The following NDUFS3 variants were observed in gnomAD, a reference collection of about 807,000 sequenced individuals.
NDUFS3 encodes NADH:ubiquinone oxidoreductase core subunit S3.
Under a neutral mutation model 30.8 loss-of-function variants are expected in NDUFS3, and 19 were observed. The ratio of observed to expected loss-of-function variants is 0.62; its 90% CI spans 0.43 to 0.91. NDUFS3 has a LOEUF of 0.91. Among genes scored for constraint, NDUFS3 ranks in the 40% least tolerant of loss-of-function variants. The pLI is 0.00. For missense variants in NDUFS3, 331 were observed against 342.0 expected (o/e 0.97, Z 0.25); for synonymous variants, 153 against 135.8 (o/e 1.13, Z -0.88).
intron 4 of NDUFS3, chr11:47,581,299 G>A (rs544650934): frequency 5.7e-5 from 21 of 365,918 alleles, no homozygotes; most frequent in South Asian, 3.3e-4. Flanking sequence ...GACTACAGGT[G>A]CATGCCACCA....
At position 47,580,590 on chromosome 11, in the gene NDUFS3, GA is replaced by G. The variant is rs763590745; in HGVS notation, c.202del (p.Ile68SerfsTer17). On this transcript the variant is annotated frameshift_variant, in exon 3 of 7. Coordinates refer to ENST00000263774, the MANE Select transcript of NDUFS3 (RefSeq NM_004551.3). LOFTEE classifies it high-confidence loss of function. Reference protein sequence around the residue: ...QLSAFGEYVAEILPKYVQQVQ... With the variant: ...QLSAFGEYVAXILPKYVQQVQ... ...CTCAGCTTTTGGAGAGTATGTGGCTGAAATCTTGCCCAAGTATGTCCAACAA... is the reference window on the plus strand; with the variant it reads ...CTCAGCTTTTGGAGAGTATGTGGCTGAATCTTGCCCAAGTATGTCCAACAA... 1 of 1,614,070 alleles carries G rather than the reference GA, an allele frequency of 6.2e-7. No individual in the cohort carries two copies. The highest frequency in any genetic ancestry group is 1.3e-5 in the African/African-American group (1 of 74,920).
chr11:47,582,012 A>C (rs1338433801), intron 4 of NDUFS3, 76 bp from the exon 5 acceptor site: 2 of 1,578,092 alleles, frequency 1.3e-6, no homozygotes, highest in Non-Finnish European at 1.7e-6. Flanking sequence ...TCAGAATAGA[A>C]GGCAGGGTCA....
rs371724676 is a variant in NDUFS3 at position 47,579,282 on chromosome 11, C to T, written c.81C>T (p.Pro27=). 6.8e-6 allele frequency: 11 copies of T among 1,614,212 alleles called. No individual in the cohort carries two copies. Among genetic ancestry groups the T allele is most frequent in the Middle Eastern group, 1.6e-4 (1 of 6,062 alleles). ...CTCCCTGTGCAGGGACTGGGCGACC[C>T]TCCGTTCTGTTGCTGCCGGTGAGGC... ...ASALTRGTGR[P]SVLLLPVRRE... Residue 27 remains proline, a synonymous_variant, in exon 2 of 7, where the codon CCC becomes CCT. Coordinates refer to ENST00000263774, the MANE Select transcript of NDUFS3 (RefSeq NM_004551.3).
intron 4 of NDUFS3, 200 bp from the exon 5 acceptor site, chr11:47,581,888 C>A: frequency 1.5e-6 from 1 of 680,032 alleles, no homozygotes; most frequent in Non-Finnish European, 2.6e-6. Context: ...GGAAATATTC[C>A]TGACAAAGTG....
rs1243799074 is a variant in NDUFS3 at position 47,582,077 on chromosome 11, G to A, written c.382-11G>A. The A allele has an allele frequency of 3.1e-6, 5 of 1,613,450 alleles. No individual in the cohort carries two copies. Among genetic ancestry groups the A allele is most frequent in the African/African-American group, 2.7e-5 (2 of 74,912 alleles). ...CCATCTCAGCCCTCCAGATCCTTCTGTTCTCCCTAGATTGTCTACAACCTG... is the reference window on the plus strand; with the variant it reads ...CCATCTCAGCCCTCCAGATCCTTCTATTCTCCCTAGATTGTCTACAACCTG... On this transcript the variant is annotated splice_polypyrimidine_tract_variant and intron_variant, in intron 4 of 6. Coordinates refer to ENST00000263774, the MANE Select transcript of NDUFS3 (RefSeq NM_004551.3).
intron 3 of NDUFS3, 24 bp from the exon 4 acceptor site, chr11:47,580,811 C>G: frequency 6.2e-7 from 1 of 1,614,184 alleles, no homozygotes; most frequent in Non-Finnish European, 8.5e-7. Context: ...TTTGTTCCCT[C>G]TCCCCTCACT....
In NDUFS3 at chr11:47,579,300, G is replaced by A. The variant is rs148226917; in HGVS notation, c.99G>A (p.Pro33=). 2 of 1,614,146 alleles carry A rather than the reference G, an allele frequency of 1.2e-6. No homozygotes were observed. The highest frequency in any genetic ancestry group is 1.7e-6 in the Non-Finnish European group (2 of 1,180,040). The change falls in exon 2 of 7, where the codon CCG becomes CCA. Residue 33 remains proline, a synonymous_variant. Transcript: ENST00000263774. ...GTGRPSVLLL[P]VRRESAGADT... The stretch of plus-strand genomic sequence containing the variant: ...GGCGACCCTCCGTTCTGTTGCTGCC[G>A]GTGAGGCGGGAGAGCGCCGGGGCCG...
intron 4 of NDUFS3, chr11:47,581,418 G>A: frequency 3.7e-6 from 1 of 267,008 alleles, no homozygotes; most frequent in African/African-American, 2.3e-5. Flanking sequence ...GCCTCCCAAA[G>A]TGCTGGGATT....
intron 6 of NDUFS3, among the ~76,000 whole-genome samples, chr11:47,583,971 T>G (rs749775770): frequency 1.3e-4 from 20 of 152,342 alleles, no homozygotes; most frequent in Middle Eastern, 3.4e-3. Flanking sequence ...GACTACTCCC[T>G]AATCCTGGGC....
intron 6 of NDUFS3, 32 bp downstream of exon 6, chr11:47,582,500 A>G: frequency 6.2e-7 from 1 of 1,613,906 alleles, no homozygotes; most frequent in Non-Finnish European, 8.5e-7. Context: ...CAGCAGCCTC[A>G]GGGAGGGACT....
intron 4 of NDUFS3, chr11:47,581,740 A>T (rs550190822): frequency 2.7e-6 from 1 of 367,456 alleles, no homozygotes; most frequent in Non-Finnish European, 5.3e-6. Flanking sequence ...CATATAATAC[A>T]AAGGATATTA....
intron 4 of NDUFS3, chr11:47,581,345 C>T (rs2097268713): frequency 6.2e-6 from 2 of 323,078 alleles, no homozygotes; most frequent in South Asian, 2.6e-5. Flanking sequence ...TTAGTGAAGA[C>T]TGGGTTTCAC....
chr11:47,579,445 C>G lies in NDUFS3; in HGVS notation c.133+111C>G, dbSNP rs2233351. The stretch of plus-strand genomic sequence containing the variant: ...CGTCCTCCTGGCAAATCTTGGAGAT[C>G]TGACTTGCAGTGGTCTTCACCCTGC... On this transcript the variant is annotated intron_variant, in intron 2 of 6. Transcript: ENST00000263774. The G allele has an allele frequency of 2.3e-4, 323 of 1,399,368 alleles. 1 individual carries two copies. In the African/African-American group the frequency reaches 4.2e-3, roughly 18 times the overall value. The allele number at this position is 1,399,368 out of a possible 1,614,324, so 86.7% of individuals were successfully genotyped here.
chr11:47,583,749 G>A (rs1156503234), intron 6 of NDUFS3, among the ~76,000 whole-genome samples: 2 of 151,928 alleles, frequency 1.3e-5, no homozygotes, highest in Non-Finnish European at 2.9e-5. Flanking sequence ...TATCTCCCTC[G>A]CTTCTCCCTT....
At chr11:47,582,028 C>A (rs1400905780) in intron 4 of NDUFS3, 60 bp from the exon 5 acceptor site, 2 of 1,601,320 alleles carry the variant, frequency 1.2e-6, no homozygotes, top group Admixed American at 3.3e-5. Flanking sequence ...GGTCACAGGG[C>A]AGAACTCTCC....
At chr11:47,580,266 T>C (rs1222534249) in intron 2 of NDUFS3, among the ~76,000 whole-genome samples, 1 of 152,198 alleles carries the variant, frequency 6.6e-6, no homozygotes, top group Admixed American at 6.5e-5. Flanking sequence ...AGGGAAGAAC[T>C]GTGGAGTAAT....
At chr11:47,580,208 T>C (rs2097267720) in intron 2 of NDUFS3, among the ~76,000 whole-genome samples, 1 of 152,222 alleles carries the variant, frequency 6.6e-6, no homozygotes, top group Non-Finnish European at 1.5e-5. Context: ...GCTCTTAGTC[T>C]GACAGGAGAA....
chr11:47,580,450 C>T (rs1598804345), intron 2 of NDUFS3, 75 bp from the exon 3 acceptor site: 1 of 1,386,326 alleles, frequency 7.2e-7, no homozygotes, highest in Non-Finnish European at 1.0e-6. Context: ...ACATCCCTTA[C>T]AAGCCTAAGA....
chr11:47,579,301 G>A lies in NDUFS3; in HGVS notation c.100G>A (p.Val34Met). 6.2e-7 allele frequency: 1 copy of A among 1,614,144 alleles called. No homozygotes were observed. Among genetic ancestry groups the A allele is most frequent in the Non-Finnish European group, 8.5e-7 (1 of 1,180,038 alleles). The stretch of plus-strand genomic sequence containing the variant: ...GCGACCCTCCGTTCTGTTGCTGCCG[G>A]TGAGGCGGGAGAGCGCCGGGGCCGA... ...TGRPSVLLLP[V>M]RRESAGADTR... The change falls in exon 2 of 7, where the codon GTG becomes ATG. Residue 34 changes from valine to methionine, a missense_variant. By Grantham distance (21) the Val-to-Met change is conservative. Transcript: ENST00000263774.
Sources: allele counts gnomAD v4.1 joint callset (sites outside exome capture counted in the v4.1 genomes callset), GRCh38; gene constraint gnomAD v4.1.1; transcripts MANE v1.5; gene names NCBI Gene and HGNC (gene_info 2026-07-23, HGNC 2026-07-21).